The following ASIC2 variants were observed in gnomAD, a reference collection of about 807,000 sequenced individuals.
The protein encoded by ASIC2 is acid sensing ion channel subunit 2.
ASIC2 carries 25 observed loss-of-function variants against 57.3 expected under a neutral mutation model. The observed-to-expected ratio is 0.44, with a 90% CI of 0.32 to 0.61. The LOEUF is 0.61. ASIC2 is among the 20% of genes least tolerant of loss of function. ASIC2 has a pLI of 0.06. For synonymous variants in ASIC2, 319 were observed against 307.5 expected (o/e 1.04, Z -0.39); for missense variants, 641 against 738.1 (o/e 0.87, Z 1.52).
chr17:33,235,007 C>G (rs1459546829), intron 1 of ASIC2, among the ~76,000 whole-genome samples: 1 of 152,216 alleles, frequency 6.6e-6, no homozygotes, highest in African/African-American at 2.4e-5. Context: ...TCTTCTCCTG[C>G]TTCCTTCGCT....
intron 1 of ASIC2, among the ~76,000 whole-genome samples, chr17:33,713,560 A>G (rs1909120995): frequency 6.6e-6 from 1 of 152,244 alleles, no homozygotes. Context: ...TTGTAAGGAC[A>G]CCAATCATAT....
intron 1 of ASIC2, among the ~76,000 whole-genome samples, chr17:33,373,529 T>A (rs898327795): frequency 6.6e-6 from 1 of 152,244 alleles, no homozygotes; most frequent in African/African-American, 2.4e-5. Flanking sequence ...AAGATTAGGA[T>A]TCTGAGAGAG....
chr17:33,482,320 C>T (rs1336842610), intron 1 of ASIC2, among the ~76,000 whole-genome samples: 1 of 152,180 alleles, frequency 6.6e-6, no homozygotes, highest in African/African-American at 2.4e-5. Context: ...GGGCAAAAAC[C>T]CATGCTGTTC....
At chr17:33,376,966 G>A (rs1444507770) in intron 1 of ASIC2, among the ~76,000 whole-genome samples, 2 of 152,206 alleles carry the variant, frequency 1.3e-5, no homozygotes, top group Admixed American at 6.5e-5. Context: ...AAGGATCAAA[G>A]AGGCTAAGTA....
rs1425513782 is a variant in ASIC2 at position 34,075,893 on chromosome 17, A to G, written c.555+80085T>C. Among the ~76,000 whole-genome samples the G allele has an allele frequency of 2.2e-5, 3 of 138,322 alleles. No homozygotes were observed. In the Admixed American group the frequency reaches 2.4e-4, roughly 11 times the overall value. 90.7% of individuals were successfully genotyped at this position (138,322 alleles called of 152,430 possible). A position where few individuals can be genotyped will look rare whatever the true frequency, so the allele number is the denominator to read the frequency against. ...GCTCCGGCTGGAGTGCAATGGCGCC[A>G]TCATAGCTCACTGCAACCTCTGCCT... is the stretch of plus-strand genomic sequence containing the variant. On this transcript the variant is annotated intron_variant, in intron 1 of 9. Coordinates refer to the ASIC2 transcript ENST00000359872.
intron 1 of ASIC2, among the ~76,000 whole-genome samples, chr17:33,763,105 C>T (rs1382208243): frequency 6.6e-6 from 1 of 152,170 alleles, no homozygotes; most frequent in Non-Finnish European, 1.5e-5. Context: ...AGGGCTCTTT[C>T]CCCTCAACCA....
intron 1 of ASIC2, among the ~76,000 whole-genome samples, chr17:33,194,788 T>G (rs1906561092): frequency 6.6e-6 from 1 of 152,178 alleles, no homozygotes; most frequent in Non-Finnish European, 1.5e-5. Context: ...GTCAATGTCA[T>G]TGTTCTGACG....
chr17:33,924,497 G>A (rs896385862), intron 1 of ASIC2, among the ~76,000 whole-genome samples: 1 of 152,194 alleles, frequency 6.6e-6, no homozygotes, highest in Non-Finnish European at 1.5e-5. Flanking sequence ...GAAAGCATTC[G>A]CCATACACTT....
chr17:33,645,908 C>G (rs1399526551), intron 1 of ASIC2, among the ~76,000 whole-genome samples: 3 of 152,140 alleles, frequency 2.0e-5, no homozygotes, highest in Non-Finnish European at 1.5e-5. Flanking sequence ...AATTTTAATT[C>G]TCACAACAAA....
chr17:33,645,133 T>C (rs1396056673), intron 1 of ASIC2, among the ~76,000 whole-genome samples: 1 of 152,166 alleles, frequency 6.6e-6, no homozygotes, highest in African/African-American at 2.4e-5. Context: ...AATATTCCCA[T>C]TTGACAGAGG....
chr17:33,558,737 AT>A (rs772160329), intron 1 of ASIC2, among the ~76,000 whole-genome samples: 51 of 152,270 alleles, frequency 3.3e-4, no homozygotes, highest in Non-Finnish European at 5.3e-4. Context: ...GCTTATAAAC[AT>A]TGGTAGCTGA....
intron 1 of ASIC2, among the ~76,000 whole-genome samples, chr17:33,678,425 C>T (rs1206870820): frequency 9.2e-6 from 1 of 108,400 alleles, no homozygotes; most frequent in African/African-American, 4.0e-5. Context: ...ACTATGGTGC[C>T]TGGTTCAATC....
At chr17:33,548,805 C>T (rs1010191865) in intron 1 of ASIC2, among the ~76,000 whole-genome samples, 1 of 152,140 alleles carries the variant, frequency 6.6e-6, no homozygotes, top group African/African-American at 2.4e-5. Context: ...ACCACAGGAC[C>T]TTTACACTTG....
chr17:33,490,501 A>G (rs1913718140), intron 1 of ASIC2, among the ~76,000 whole-genome samples: 1 of 152,192 alleles, frequency 6.6e-6, no homozygotes, highest in African/African-American at 2.4e-5. Context: ...CCAGGTGGAG[A>G]TAATTGAATC....
chr17:34,150,115 G>A (rs1276400116), intron 1 of ASIC2, among the ~76,000 whole-genome samples: 2 of 152,212 alleles, frequency 1.3e-5, no homozygotes, highest in Non-Finnish European at 2.9e-5. Flanking sequence ...AGGACACTAT[G>A]CAAAGTGAAA....
chr17:33,045,943 G>A (rs2091952504), intron 3 of ASIC2, among the ~76,000 whole-genome samples: 1 of 152,156 alleles, frequency 6.6e-6, no homozygotes, highest in Non-Finnish European at 1.5e-5. Context: ...AGAGCTGCCG[G>A]GTACAGCTAT....
chr17:33,730,246 T>C (rs991005154), intron 1 of ASIC2, among the ~76,000 whole-genome samples: 1 of 152,190 alleles, frequency 6.6e-6, no homozygotes, highest in Non-Finnish European at 1.5e-5. Context: ...TTCTTTTAAT[T>C]TGCTTAATGG....
At chr17:33,941,111 T>C (rs1306882361) in intron 1 of ASIC2, among the ~76,000 whole-genome samples, 1 of 152,182 alleles carries the variant, frequency 6.6e-6, no homozygotes, top group Admixed American at 6.5e-5. Context: ...TGATGCAGCA[T>C]GACCAGTTAG....
intron 1 of ASIC2, among the ~76,000 whole-genome samples, chr17:33,662,191 C>A (rs1283945184): frequency 1.3e-5 from 2 of 152,116 alleles, no homozygotes; most frequent in South Asian, 2.1e-4. Flanking sequence ...TTGCCTCAAG[C>A]CACACAGCAG....
Sources: gnomAD v4.1 joint callset for allele counts (sites outside exome capture counted in the v4.1 genomes callset) on GRCh38, gnomAD v4.1.1 for gene constraint, MANE v1.5 for transcripts, NCBI Gene and HGNC (gene_info 2026-07-23, HGNC 2026-07-21) for gene names.